The following ZNF329 variants were observed in gnomAD, a reference collection of about 807,000 sequenced individuals.
The protein encoded by ZNF329 is zinc finger protein 329.
Under a neutral mutation model 26.6 loss-of-function variants are expected in ZNF329, and 15 were observed. That is an observed-to-expected ratio of 0.56 (90% confidence interval 0.38 to 0.87). ZNF329 has a LOEUF of 0.87. ZNF329 is among the 40% of genes least tolerant of loss of function. The probability of loss-of-function intolerance (pLI) is 0.00; values close to 1 mark genes in which losing one functional copy is unlikely to be tolerated. For missense variants in ZNF329, 651 were observed against 651.9 expected (o/e 1.00, Z 0.02); for synonymous variants, 239 against 233.5 (o/e 1.02, Z -0.21).
Position 58,127,761 on chromosome 19 carries a change from A to G in ZNF329, c.*117T>C. 4.8e-6 allele frequency: 5 copies of G among 1,038,430 alleles called. No homozygotes were observed. In the South Asian group the frequency reaches 7.0e-5, roughly 15 times the overall value. The allele number at this position is 1,038,430 out of a possible 1,614,324, so 64.3% of individuals were successfully genotyped here. A position where few individuals can be genotyped will look rare whatever the true frequency, so the allele number is the denominator to read the frequency against. Reference sequence around the variant, plus strand: ...GCTCAGCAATGTCTCACATTCATCAATTCACTGGATAGCTTAAAGGATTCT... The same window carrying G: ...GCTCAGCAATGTCTCACATTCATCAGTTCACTGGATAGCTTAAAGGATTCT... On this transcript the variant is annotated 3_prime_UTR_variant, in exon 4 of 4. Transcript: ENST00000598312.
intron 1 of ZNF329, among the ~76,000 whole-genome samples, chr19:58,145,960 C>T (rs555116110): frequency 6.8e-6 from 1 of 147,182 alleles, no homozygotes; most frequent in Non-Finnish European, 1.5e-5. Context: ...ACAATCTACA[C>T]AACCACCAGC....
chr19:58,130,172 A>C (rs1425934935), intron 3 of ZNF329, among the ~76,000 whole-genome samples: 5 of 152,094 alleles, frequency 3.3e-5, no homozygotes, highest in African/African-American at 1.2e-4. Context: ...ATACAAAAAA[A>C]ATCAGCCAGG....
chr19:58,148,868 G>GT (rs1273953554), intron 1 of ZNF329, among the ~76,000 whole-genome samples: 1 of 152,206 alleles, frequency 6.6e-6, no homozygotes, highest in Non-Finnish European at 1.5e-5. Flanking sequence ...GTGTGTACAA[G>GT]TGTGTGTAAA....
chr19:58,141,323 G>C (rs982711584), intron 3 of ZNF329, among the ~76,000 whole-genome samples: 1 of 150,732 alleles, frequency 6.6e-6, no homozygotes, highest in Non-Finnish European at 1.5e-5. Flanking sequence ...TTCTGAGACA[G>C]AGTCTCGCTG....
chr19:58,138,583 G>C (rs918121286), intron 3 of ZNF329, among the ~76,000 whole-genome samples: 5 of 152,214 alleles, frequency 3.3e-5, no homozygotes, highest in Admixed American at 2.0e-4. Flanking sequence ...CATGTTTCCT[G>C]TTCTGAATCT....
chr19:58,147,562 C>T (rs1414608225), intron 1 of ZNF329, among the ~76,000 whole-genome samples: 6 of 140,998 alleles, frequency 4.3e-5, no homozygotes, highest in Non-Finnish European at 6.1e-5. Flanking sequence ...GTCAGCCCCC[C>T]GCCCGGCCAG....
intron 3 of ZNF329, among the ~76,000 whole-genome samples, chr19:58,133,808 G>A (rs2075005744): frequency 6.6e-6 from 1 of 151,912 alleles, no homozygotes; most frequent in Non-Finnish European, 1.5e-5. Flanking sequence ...TGACTAGTCT[G>A]GGCAACACAG....
At chr19:58,138,939 G>A (rs903743921) in intron 3 of ZNF329, among the ~76,000 whole-genome samples, 1 of 151,788 alleles carries the variant, frequency 6.6e-6, no homozygotes, top group Admixed American at 6.6e-5. Flanking sequence ...GGAGGAGACA[G>A]AGCAAGACTG....
intron 1 of ZNF329, among the ~76,000 whole-genome samples, chr19:58,145,596 A>T (rs1974819): frequency 1.3e-5 from 2 of 152,090 alleles, no homozygotes; most frequent in African/African-American, 4.8e-5. Flanking sequence ...TGCTGGGATT[A>T]TAGGCGCGAG....
chr19:58,147,509 C>T, intron 1 of ZNF329, among the ~76,000 whole-genome samples: 1 of 144,296 alleles, frequency 6.9e-6, no homozygotes. Context: ...GTGAGGAGCC[C>T]CTCTGCCCGG....
At chr19:58,141,393 G>A (rs148755932) in intron 3 of ZNF329, among the ~76,000 whole-genome samples, 2,342 of 152,058 alleles carry the variant, frequency 0.015, 50 homozygotes, top group African/African-American at 0.052. Flanking sequence ...CCTCCTCCCG[G>A]GTTCAAGTGA....
At position 58,126,393 on chromosome 19, in the gene ZNF329, T is replaced by C. The variant is rs2074801991; in HGVS notation, c.*1485A>G. 1 of 152,228 alleles carries C rather than the reference T, an allele frequency of 6.6e-6. No homozygotes were observed. The highest frequency in any genetic ancestry group is 1.5e-5 in the Non-Finnish European group (1 of 68,042). The allele number at this position is 152,228 out of a possible 1,614,324, so 9.4% of individuals were successfully genotyped here. On this transcript the variant is annotated 3_prime_UTR_variant, in exon 4 of 4. Coordinates refer to ENST00000598312, the MANE Select transcript of ZNF329 (RefSeq NM_024620.4). ...TCCACTTTCAACATACATCCATATG[T>C]GCACATATTTTTACATGGCTGGAAT... is the stretch of plus-strand genomic sequence containing the variant.
At chr19:58,138,865 T>C (rs2075126291) in intron 3 of ZNF329, among the ~76,000 whole-genome samples, 1 of 151,532 alleles carries the variant, frequency 6.6e-6, no homozygotes, top group Admixed American at 6.6e-5. Flanking sequence ...GGCATGGTGG[T>C]GCACATCTGT....
intron 3 of ZNF329, among the ~76,000 whole-genome samples, chr19:58,134,025 C>T (rs2075010906): frequency 6.6e-6 from 1 of 152,124 alleles, no homozygotes; most frequent in Non-Finnish European, 1.5e-5. Context: ...GTTAGACCTG[C>T]TCAAGTCAGA....
chr19:58,150,471 G>T (rs1432147264), intron 1 of ZNF329, among the ~76,000 whole-genome samples: 1 of 152,236 alleles, frequency 6.6e-6, no homozygotes, highest in African/African-American at 2.4e-5. Context: ...ACTCACGGGT[G>T]ACGCTAAGGA....
At chr19:58,135,440 TA>T (rs1266607087) in intron 3 of ZNF329, among the ~76,000 whole-genome samples, 1 of 152,162 alleles carries the variant, frequency 6.6e-6, no homozygotes, top group Non-Finnish European at 1.5e-5. Flanking sequence ...CTAATTTTTG[TA>T]TTTTTAGTAG....
intron 3 of ZNF329, among the ~76,000 whole-genome samples, chr19:58,131,473 C>T (rs1245475162): frequency 2.0e-5 from 3 of 152,098 alleles, no homozygotes; most frequent in African/African-American, 7.2e-5. Context: ...CTGATATCAG[C>T]ATTCAAATTT....
chr19:58,153,396 C>T (rs2075491348), upstream of ZNF329, among the ~76,000 whole-genome samples: 2 of 152,182 alleles, frequency 1.3e-5, no homozygotes, highest in South Asian at 4.1e-4. Context: ...AGGCGTGAGC[C>T]ACTGCGCCTG....
chr19:58,149,844 G>T (rs567026778), intron 1 of ZNF329, among the ~76,000 whole-genome samples: 3 of 152,216 alleles, frequency 2.0e-5, no homozygotes, highest in Non-Finnish European at 2.9e-5. Context: ...GTCAATTTTG[G>T]CTCAAAAAAT....
Sources: allele counts gnomAD v4.1 joint callset (sites outside exome capture counted in the v4.1 genomes callset), GRCh38; gene constraint gnomAD v4.1.1; transcripts MANE v1.5; gene names NCBI Gene and HGNC (gene_info 2026-07-23, HGNC 2026-07-21).